Variants in FLT1 observed in about 807,000 individuals in gnomAD.
FLT1 encodes the protein vascular endothelial growth factor receptor 1.
A neutral mutation model predicts 156.3 loss-of-function variants in FLT1; 49 were observed. The ratio of observed to expected loss-of-function variants is 0.31; its 90% CI spans 0.25 to 0.40. The LOEUF (loss-of-function observed/expected upper bound fraction) is 0.40, where lower values mean the gene tolerates loss of function less well. Ranked by LOEUF, FLT1 falls within the 10% of genes least tolerant of loss-of-function variation. The probability of loss-of-function intolerance (pLI) is 1.00; values close to 1 mark genes in which losing one functional copy is unlikely to be tolerated. For synonymous variants in FLT1, 594 were observed against 583.8 expected (o/e 1.02, Z -0.25); for missense variants, 1,322 against 1,637.2 (o/e 0.81, Z 3.32).
rs564581930 is a variant in FLT1, at chr13:28,434,246, C to T, written c.514-26G>A. 8.4e-5 allele frequency: 136 copies of T among 1,611,666 alleles called. 1 individual carries two copies. In the South Asian group the frequency reaches 1.4e-3, roughly 17 times the overall value. Reference sequence around the variant, plus strand: ...CTGAAAAGGAAGAGGCATGCATTAACAAGGTCCTATTAGCACTGGTTGGCA... The same window carrying T: ...CTGAAAAGGAAGAGGCATGCATTAATAAGGTCCTATTAGCACTGGTTGGCA... On this transcript the variant is annotated intron_variant, in intron 4 of 29. Transcript: ENST00000282397.
chr13:28,436,571 AAAC>A (rs1323900496), intron 4 of FLT1, among the ~76,000 whole-genome samples: 3 of 152,198 alleles, frequency 2.0e-5, no homozygotes, highest in Non-Finnish European at 4.4e-5. Context: ...CCTGATGACC[AAAC>A]AACCCATCTG....
chr13:28,362,992 C>T (rs1479868447), intron 14 of FLT1, among the ~76,000 whole-genome samples: 2 of 152,204 alleles, frequency 1.3e-5, no homozygotes, highest in Non-Finnish European at 2.9e-5. Context: ...CTTGCTCATC[C>T]TCCACTCTTG....
chr13:28,412,381 T>TTCTTTCTTTCC (rs1876321644), intron 10 of FLT1, among the ~76,000 whole-genome samples: 1 of 88,206 alleles, frequency 1.1e-5, no homozygotes, highest in African/African-American at 3.8e-5. Flanking sequence ...TCTTTCTTTC[T>TTCTTTCTTTCC]TTCTTTCTTT....
intron 1 of FLT1, among the ~76,000 whole-genome samples, chr13:28,488,099 T>C (rs1007033007): frequency 2.6e-5 from 4 of 151,858 alleles, no homozygotes; most frequent in African/African-American, 7.3e-5. Flanking sequence ...ACTAGGGTGT[T>C]AGTGAAGAGG....
rs748123495 is a variant in FLT1, at chr13:28,367,068, C to T, written c.2117-9383G>A. Among the ~76,000 whole-genome samples the T allele has an allele frequency of 3.0e-4, 45 of 152,188 alleles. No individual in the cohort carries two copies. In the Middle Eastern group the frequency reaches 0.014, roughly 46 times the overall value. ...AGGGGAGTGAGCTTTGCAATATTTG[C>T]GGAATATGATGAAGCTAAGCTAGTT... On this transcript the variant is annotated intron_variant, in intron 14 of 29. Transcript: ENST00000282397.
At chr13:28,359,798 A>C (rs981432988) in intron 14 of FLT1, among the ~76,000 whole-genome samples, 3 of 152,212 alleles carry the variant, frequency 2.0e-5, no homozygotes, top group African/African-American at 7.2e-5. Flanking sequence ...CACCATCTCC[A>C]ATCACAAAAA....
intron 1 of FLT1, among the ~76,000 whole-genome samples, chr13:28,469,126 C>T (rs1361409896): frequency 6.6e-6 from 1 of 152,130 alleles, no homozygotes; most frequent in Non-Finnish European, 1.5e-5. Flanking sequence ...AATGAGGGGC[C>T]CAGGATTAGC....
At chr13:28,408,213 T>C (rs555853503) in intron 10 of FLT1, among the ~76,000 whole-genome samples, 4 of 152,264 alleles carry the variant, frequency 2.6e-5, no homozygotes, top group Admixed American at 1.3e-4. Context: ...TATGTTAGAG[T>C]AAGGCAAGCC....
At chr13:28,326,234 T>C (rs890338050) in intron 20 of FLT1, among the ~76,000 whole-genome samples, 5 of 152,182 alleles carry the variant, frequency 3.3e-5, no homozygotes, top group African/African-American at 1.2e-4. Flanking sequence ...AAGCTTCATT[T>C]AATAAACGAG....
chr13:28,433,475 C>A (rs1305041035), intron 6 of FLT1, among the ~76,000 whole-genome samples: 1 of 152,212 alleles, frequency 6.6e-6, no homozygotes, highest in African/African-American at 2.4e-5. Context: ...AAGGCAGTCC[C>A]TGCCTGGCAT....
chr13:28,467,639 T>A, intron 1 of FLT1, 22 bp from the exon 2 acceptor site: 1 of 1,315,508 alleles, frequency 7.6e-7, no homozygotes, highest in Non-Finnish European at 1.1e-6. Flanking sequence ...ATTTTTAAAA[T>A]GTATTATTTG....
chr13:28,342,647 C>T (rs1439643115), intron 16 of FLT1, among the ~76,000 whole-genome samples: 1 of 152,102 alleles, frequency 6.6e-6, no homozygotes, highest in Non-Finnish European at 1.5e-5. Context: ...GGTCAAATAG[C>T]CTGGGTTCAA....
chr13:28,317,444 G>A, intron 25 of FLT1, 54 bp downstream of exon 25: 1 of 1,075,842 alleles, frequency 9.3e-7, no homozygotes, highest in South Asian at 1.2e-5. Flanking sequence ...TCTCAGGAAT[G>A]CCCTGGTGAA....
intron 6 of FLT1, 115 bp downstream of exon 6, chr13:28,433,704 C>T: frequency 1.0e-6 from 1 of 986,918 alleles, no homozygotes; most frequent in Non-Finnish European, 1.6e-6. Context: ...TCTTTATTGA[C>T]TAACACTGCC....
intron 14 of FLT1, among the ~76,000 whole-genome samples, chr13:28,372,076 A>ATATATTTTTT (rs1257431752): frequency 1.0e-3 from 12 of 11,754 alleles, no homozygotes; most frequent in South Asian, 4.1e-3. Context: ...ATATATATAT[A>ATATATTTTTT]TTTTTTTTTT....
chr13:28,347,404 C>G (rs1029748423), intron 15 of FLT1, among the ~76,000 whole-genome samples: 1 of 152,014 alleles, frequency 6.6e-6, no homozygotes, highest in African/African-American at 2.4e-5. Context: ...GGGGGGGCAC[C>G]CAGCTCCTCG....
Position 28,300,533 on chromosome 13 carries a change from A to ACCCACACACC in FLT1, c.*2633_*2634insGGTGTGTGGG. On this transcript the variant is annotated 3_prime_UTR_variant, in exon 30 of 30. Coordinates refer to ENST00000282397, the MANE Select transcript of FLT1 (RefSeq NM_002019.4). ...AACACACATACACCCACACACACAC[A>ACCCACACACC]CACACACACACACACACACACACAT... 1 of 228,412 alleles carries ACCCACACACC rather than the reference A, an allele frequency of 4.4e-6. No individual in the cohort carries two copies. Among genetic ancestry groups the ACCCACACACC allele is most frequent in the African/African-American group, 2.2e-5 (1 of 44,840 alleles). The allele number at this position is 228,412 out of a possible 1,614,324, so 14.1% of individuals were successfully genotyped here.
chr13:28,468,243 A>G (rs1297856229), intron 1 of FLT1, among the ~76,000 whole-genome samples: 1 of 152,242 alleles, frequency 6.6e-6, no homozygotes, highest in African/African-American at 2.4e-5. Context: ...TACGTAATCT[A>G]TGAGTTCCCT....
At chr13:28,386,703 C>T (rs1874386207) in intron 13 of FLT1, 1 of 1,056,100 alleles carries the variant, frequency 9.5e-7, no homozygotes, top group Non-Finnish European at 1.1e-6. Flanking sequence ...CTTGTACATG[C>T]TTGCTCATTA....
Sources: allele counts gnomAD v4.1 joint callset (sites outside exome capture counted in the v4.1 genomes callset), GRCh38; gene constraint gnomAD v4.1.1; transcripts MANE v1.5; gene names NCBI Gene and HGNC (gene_info 2026-07-23, HGNC 2026-07-21).